The following KCNIP4 variants were observed in gnomAD, a reference collection of about 807,000 sequenced individuals.
KCNIP4 encodes the protein potassium voltage-gated channel interacting protein 4.
In KCNIP4, 12 loss-of-function variants were observed where a neutral mutation model predicts 34.0. That is an observed-to-expected ratio of 0.35 (90% confidence interval 0.23 to 0.57). The LOEUF (loss-of-function observed/expected upper bound fraction) is 0.57. Ranked by LOEUF, KCNIP4 falls within the 20% of genes least tolerant of loss-of-function variation. The probability of loss-of-function intolerance (pLI) is 0.83; values close to 1 mark genes in which losing one functional copy is unlikely to be tolerated. For synonymous variants in KCNIP4, 124 were observed against 102.2 expected (o/e 1.21, Z -1.29); for missense variants, 238 against 311.7 (o/e 0.76, Z 1.78).
At chr4:21,759,567 T>C (rs1164101521) in intron 1 of KCNIP4, among the ~76,000 whole-genome samples, 2 of 152,192 alleles carry the variant, frequency 1.3e-5, no homozygotes, top group Non-Finnish European at 2.9e-5. Flanking sequence ...GGACATTTTT[T>C]ATTCTTTAAC....
At chr4:20,817,134 G>C (rs1393495027) in intron 3 of KCNIP4, among the ~76,000 whole-genome samples, 1 of 152,214 alleles carries the variant, frequency 6.6e-6, no homozygotes, top group Non-Finnish European at 1.5e-5. Flanking sequence ...GGAGAGGAAG[G>C]AGGGTTCATA....
At chr4:21,896,057 T>C (rs1213611064) in intron 1 of KCNIP4, among the ~76,000 whole-genome samples, 1 of 152,194 alleles carries the variant, frequency 6.6e-6, no homozygotes, top group Admixed American at 6.5e-5. Flanking sequence ...GATATTTTAC[T>C]GTAAGTTTGT....
intron 1 of KCNIP4, among the ~76,000 whole-genome samples, chr4:21,032,139 T>C (rs936847559): frequency 6.6e-6 from 1 of 152,136 alleles, no homozygotes; most frequent in African/African-American, 2.4e-5. Flanking sequence ...ACTGTCCTCC[T>C]GGAAACTTTA....
chr4:21,318,497 T>C (rs1429628538), intron 1 of KCNIP4, among the ~76,000 whole-genome samples: 1 of 152,192 alleles, frequency 6.6e-6, no homozygotes, highest in Non-Finnish European at 1.5e-5. Flanking sequence ...ATGTTTGAAA[T>C]GGGATTTTGA....
chr4:21,026,042 C>A (rs995289528), intron 1 of KCNIP4, among the ~76,000 whole-genome samples: 4 of 151,998 alleles, frequency 2.6e-5, no homozygotes, highest in African/African-American at 7.3e-5. Context: ...AAAATAAAAA[C>A]AAGTTACAAT....
At chr4:21,207,386 T>C (rs2108968455) in intron 1 of KCNIP4, among the ~76,000 whole-genome samples, 2 of 152,320 alleles carry the variant, frequency 1.3e-5, no homozygotes, top group Admixed American at 1.3e-4. Flanking sequence ...ATGTAGGTGA[T>C]GGGATTATAG....
chr4:20,738,091 C>T (rs1473627818), intron 5 of KCNIP4, among the ~76,000 whole-genome samples: 1 of 150,938 alleles, frequency 6.6e-6, no homozygotes, highest in Non-Finnish European at 1.5e-5. Flanking sequence ...GATTGCACCA[C>T]TGTGCTTCAG....
At chr4:21,377,664 C>T (rs553754369) in intron 1 of KCNIP4, among the ~76,000 whole-genome samples, 2 of 152,104 alleles carry the variant, frequency 1.3e-5, no homozygotes, top group African/African-American at 4.8e-5. Context: ...TGCGTCCAAG[C>T]TTGTCAGGCA....
chr4:21,875,268 C>T (rs1166173171), intron 1 of KCNIP4, among the ~76,000 whole-genome samples: 2 of 152,184 alleles, frequency 1.3e-5, no homozygotes, highest in East Asian at 3.9e-4. Context: ...GACACCATGA[C>T]TATTGCTCCA....
chr4:21,139,049 A>T (rs1050931065), intron 1 of KCNIP4, among the ~76,000 whole-genome samples: 1 of 152,236 alleles, frequency 6.6e-6, no homozygotes, highest in East Asian at 1.9e-4. Context: ...AGCCATAGGA[A>T]GCCAATACAA....
At chr4:21,570,003 A>T (rs933970212) in intron 1 of KCNIP4, among the ~76,000 whole-genome samples, 1 of 152,032 alleles carries the variant, frequency 6.6e-6, no homozygotes, top group African/African-American at 2.4e-5. Context: ...GTAAAGTGAC[A>T]TCAGGGCTAG....
chr4:21,482,762 A>G (rs1731546089), intron 1 of KCNIP4, among the ~76,000 whole-genome samples: 1 of 151,720 alleles, frequency 6.6e-6, no homozygotes, highest in African/African-American at 2.4e-5. Flanking sequence ...CTTCATTTCA[A>G]CTTTGGTGAA....
intron 1 of KCNIP4, chr4:21,849,155 A>G (rs915908222): frequency 6.6e-6 from 1 of 152,116 alleles, no homozygotes; most frequent in East Asian, 1.9e-4. Context: ...AATGAATGCA[A>G]TATTTTATGA....
chr4:21,746,168 C>A (rs1478640027), intron 1 of KCNIP4, among the ~76,000 whole-genome samples: 1 of 152,000 alleles, frequency 6.6e-6, no homozygotes, highest in Non-Finnish European at 1.5e-5. Flanking sequence ...TAGGGCCCAT[C>A]CATAGAACCT....
intron 1 of KCNIP4, among the ~76,000 whole-genome samples, chr4:21,341,307 G>C (rs1315816591): frequency 2.6e-5 from 4 of 151,976 alleles, no homozygotes; most frequent in Admixed American, 2.6e-4. Flanking sequence ...CAGCAGCCTA[G>C]GAAACTAACA....
intron 1 of KCNIP4, among the ~76,000 whole-genome samples, chr4:21,179,156 A>G (rs761859785): frequency 2.6e-5 from 4 of 151,964 alleles, no homozygotes; most frequent in Non-Finnish European, 5.9e-5. Flanking sequence ...CTCCCTTTTC[A>G]TCTTTAAGGA....
chr4:21,670,145 T>A (rs987030015), intron 1 of KCNIP4, among the ~76,000 whole-genome samples: 2 of 152,046 alleles, frequency 1.3e-5, no homozygotes, highest in East Asian at 3.9e-4. Context: ...AAGGCACATA[T>A]CTGAAACGGG....
chr4:20,741,177 A>G (rs1461391840), intron 5 of KCNIP4, among the ~76,000 whole-genome samples: 2 of 152,202 alleles, frequency 1.3e-5, no homozygotes, highest in African/African-American at 4.8e-5. Context: ...CAGAAAGTTA[A>G]CAAGGATATC....
intron 1 of KCNIP4, among the ~76,000 whole-genome samples, chr4:21,199,225 C>T (rs1416986952): frequency 6.6e-6 from 1 of 152,178 alleles, no homozygotes; most frequent in Non-Finnish European, 1.5e-5. Flanking sequence ...CACATCCTCT[C>T]CAGCATCTGT....
Sources: gnomAD v4.1 joint callset for allele counts (sites outside exome capture counted in the v4.1 genomes callset) on GRCh38, gnomAD v4.1.1 for gene constraint, MANE v1.5 for transcripts, NCBI Gene and HGNC (gene_info 2026-07-23, HGNC 2026-07-21) for gene names.